DNAI3: variants seen among roughly 807,000 people sequenced by gnomAD.
DNAI3 encodes dynein axonemal intermediate chain 3.
Under a neutral mutation model 115.5 loss-of-function variants are expected in DNAI3, and 83 were observed. That is an observed-to-expected ratio of 0.72 (90% confidence interval 0.60 to 0.86). The LOEUF is 0.86. Among genes scored for constraint, DNAI3 ranks in the 40% least tolerant of loss-of-function variants. The pLI, the probability that DNAI3 is intolerant of heterozygous loss-of-function variation, is 0.00. For synonymous variants in DNAI3, 320 were observed against 347.0 expected (o/e 0.92, Z 0.86); for missense variants, 1,004 against 1,075.8 (o/e 0.93, Z 0.93).
rs780415349 is a variant in DNAI3, at chr1:85,077,534, C to T, written c.104-3700C>T. ...CCAGCAATGGAATGAACCATTGCTA[C>T]GTTCAACAATATGAATGAATCTCAA... On this transcript the variant is annotated intron_variant, in intron 3 of 22. Coordinates refer to ENST00000294664, the MANE Select transcript of DNAI3 (RefSeq NM_145172.5). Among the ~76,000 whole-genome samples, 7 of 152,092 alleles carry T rather than the reference C, an allele frequency of 4.6e-5. No individual in the cohort carries two copies. The East Asian group carries it at 5.8e-4, about 13-fold the overall frequency.
Position 85,097,608 on chromosome 1 carries a change from G to A in DNAI3, c.1303G>A (p.Glu435Lys). ...WDITAHADRI[E>K]NIKAGGSRSK... is the part of the protein sequence containing the mutation. ...TATCACCGCACATGCAGATCGCATAGAAAACATTAAGGCAGGTGGTAGTAG... is the reference window on the plus strand; with the variant it reads ...TATCACCGCACATGCAGATCGCATAAAAAACATTAAGGCAGGTGGTAGTAG... Residue 435 changes from glutamate (E) to lysine (K), a missense_variant, in exon 12 of 23, where the codon GAA becomes AAA. Physicochemically the swap from Glu to Lys is moderately conservative, Grantham distance 56. This residue lies in a region of DNAI3 where 550 missense variants were observed against 568.1 expected (regional missense o/e 0.97). Coordinates refer to ENST00000294664, the MANE Select transcript of DNAI3 (RefSeq NM_145172.5). 1.9e-6 allele frequency: 3 copies of A among 1,613,202 alleles called. No individual in the cohort carries two copies. The South Asian group carries it at 3.3e-5, about 18-fold the overall frequency.
intron 15 of DNAI3, 122 bp downstream of exon 15, chr1:85,108,299 T>C (rs573380358): frequency 4.5e-6 from 5 of 1,099,928 alleles, no homozygotes; most frequent in Middle Eastern, 4.3e-4. Context: ...CACAAGACTG[T>C]ACAATTTGTG....
chr1:85,099,263 T>C lies in DNAI3; in HGVS notation c.1479+605T>C, dbSNP rs540452203. The C allele has an allele frequency of 1.6e-4, 154 of 985,404 alleles. No individual in the cohort carries two copies. In the South Asian group the frequency reaches 5.4e-3, roughly 35 times the overall value. The allele number at this position is 985,404 out of a possible 1,614,324, so 61.0% of individuals were successfully genotyped here. ...CCTCAAGGGCATTAAAGATCTACTA[T>C]GTACTTTGAATAATTAACAGGTGAA... On this transcript the variant is annotated intron_variant, in intron 13 of 22. Coordinates refer to ENST00000294664, the MANE Select transcript of DNAI3 (RefSeq NM_145172.5).
intron 16 of DNAI3, among the ~76,000 whole-genome samples, chr1:85,117,403 T>C (rs1397976296): frequency 6.6e-6 from 1 of 152,168 alleles, no homozygotes; most frequent in East Asian, 1.9e-4. Flanking sequence ...AAAAAGACTT[T>C]TAAAACAAGG....
chr1:85,090,643 A>G (rs1654943672), intron 8 of DNAI3, among the ~76,000 whole-genome samples: 1 of 152,194 alleles, frequency 6.6e-6, no homozygotes, highest in Admixed American at 6.5e-5. Flanking sequence ...TGTAGATGAG[A>G]ACCTGAATTT....
intron 7 of DNAI3, among the ~76,000 whole-genome samples, chr1:85,088,765 AT>A (rs1433747665): frequency 1.8e-4 from 27 of 152,332 alleles, no homozygotes; most frequent in African/African-American, 6.5e-4. Flanking sequence ...AAAACAAATC[AT>A]ATTTCGAAAG....
At position 85,132,894 on chromosome 1, in the gene DNAI3, T is replaced by G. The variant is rs1656384425; in HGVS notation, c.2572T>G (p.Leu858Val). ...GTCAAAAGAACAAATGCAGGCTGAA[T>G]TAAAAATGGACTATGAGAGTTATCT... The part of the protein sequence containing the change: ...QKSKEQMQAE[L>V]KMDYESYLEL... The change falls in exon 23 of 23, where the codon TTA becomes GTA. Residue 858 changes from leucine to valine, a missense_variant. Leu to Val is a conservative substitution (Grantham distance 32). Coordinates refer to ENST00000294664, the MANE Select transcript of DNAI3 (RefSeq NM_145172.5). The G allele has an allele frequency of 6.2e-7, 1 of 1,613,892 alleles. No homozygotes were observed. The highest frequency in any genetic ancestry group is 8.5e-7 in the Non-Finnish European group (1 of 1,179,894).
chr1:85,101,859 G>A (rs190428931), intron 13 of DNAI3, among the ~76,000 whole-genome samples: 80 of 151,620 alleles, frequency 5.3e-4, no homozygotes, highest in Non-Finnish European at 6.8e-4. Context: ...AATCAGAAAG[G>A]AATGATTGAC....
intron 2 of DNAI3, among the ~76,000 whole-genome samples, chr1:85,072,838 C>G (rs1468154936): frequency 6.7e-6 from 1 of 149,964 alleles, no homozygotes; most frequent in Non-Finnish European, 1.5e-5. Context: ...GCCTCTAGTC[C>G]CAGCTACTCG....
At position 85,090,207 on chromosome 1, in the gene DNAI3, G is replaced by T; in HGVS notation, c.832G>T (p.Asp278Tyr). The stretch of plus-strand genomic sequence containing the variant: ...ACTCAAACAATCAAAGCCTTTGGTT[G>T]ATTTTCTTAACAATGCATCCATAAG... Reference protein sequence around the residue: ...ETLKQSKPLVDFLNNASISVE... With the variant: ...ETLKQSKPLVYFLNNASISVE... Residue 278 changes from aspartate (D) to tyrosine (Y), a missense_variant, in exon 8 of 23, where the codon GAT (aspartate) becomes TAT (tyrosine). Physicochemically the swap from Asp to Tyr is radical, Grantham distance 160 (BLOSUM62 -3). Coordinates refer to ENST00000294664, the MANE Select transcript of DNAI3 (RefSeq NM_145172.5). 6.4e-7 allele frequency: 1 copy of T among 1,574,190 alleles called. No homozygotes were observed. The highest frequency in any genetic ancestry group is 1.9e-5 in the Admixed American group (1 of 53,472).
At chr1:85,095,157 A>C (rs902268437) in intron 10 of DNAI3, among the ~76,000 whole-genome samples, 3 of 152,230 alleles carry the variant, frequency 2.0e-5, no homozygotes, top group African/African-American at 7.2e-5. Context: ...AATGAGGCTG[A>C]AGGCTGGGTT....
At chr1:85,114,865 A>G (rs1445871913) in intron 16 of DNAI3, among the ~76,000 whole-genome samples, 1 of 152,222 alleles carries the variant, frequency 6.6e-6, no homozygotes, top group Non-Finnish European at 1.5e-5. Flanking sequence ...TCTAATGGCC[A>G]GGGACCACCC....
intron 8 of DNAI3, among the ~76,000 whole-genome samples, chr1:85,092,794 T>TACACACACACACACACACAC (rs58308443): frequency 3.4e-5 from 5 of 145,280 alleles, no homozygotes; most frequent in Admixed American, 1.4e-4. Flanking sequence ...CAACTAAAAC[T>TACACACACACACACACACAC]ACACACACAC....
chr1:85,086,225 A>G (rs1428892520), intron 7 of DNAI3, among the ~76,000 whole-genome samples, 195 bp downstream of exon 7: 1 of 152,218 alleles, frequency 6.6e-6, no homozygotes, highest in Non-Finnish European at 1.5e-5. Context: ...TAACAGGAAA[A>G]TGAGATAGAA....
chr1:85,069,751 C>T (rs1306087733), intron 1 of DNAI3, among the ~76,000 whole-genome samples: 1 of 151,866 alleles, frequency 6.6e-6, no homozygotes, highest in Non-Finnish European at 1.5e-5. Flanking sequence ...TATTTTACAT[C>T]AAACTAAAAT....
At chr1:85,119,463 A>T (rs776981350) in intron 17 of DNAI3, among the ~76,000 whole-genome samples, 1 of 152,244 alleles carries the variant, frequency 6.6e-6, no homozygotes, top group Non-Finnish European at 1.5e-5. Flanking sequence ...AAGTTTATAA[A>T]GCAGGGGAAT....
At chr1:85,074,155 CTTCA>C (rs1654376061) in intron 3 of DNAI3, among the ~76,000 whole-genome samples, 1 of 152,152 alleles carries the variant, frequency 6.6e-6, no homozygotes. Flanking sequence ...AACCCATCTG[CTTCA>C]TATTATCTTC....
At chr1:85,131,058 G>A (rs924918693) in intron 22 of DNAI3, among the ~76,000 whole-genome samples, 1 of 152,042 alleles carries the variant, frequency 6.6e-6, no homozygotes, top group Non-Finnish European at 1.5e-5. Context: ...TTTGTTACCA[G>A]CATTTCATCA....
intron 16 of DNAI3, 32 bp from the exon 17 acceptor site, chr1:85,117,697 A>G (rs1655873386): frequency 6.2e-7 from 1 of 1,605,324 alleles, no homozygotes; most frequent in Non-Finnish European, 8.5e-7. Flanking sequence ...CCCTGTAAAT[A>G]TGTACTTCTT....
Sources: gnomAD v4.1 joint callset for allele counts (sites outside exome capture counted in the v4.1 genomes callset) on GRCh38, gnomAD v4.1.1 for gene constraint, gnomAD v4.1.1 regional missense constraint, MANE v1.5 for transcripts, NCBI Gene and HGNC (gene_info 2026-07-23, HGNC 2026-07-21) for gene names.